Variants in PLS1 observed in about 807,000 individuals in gnomAD.
PLS1 encodes the protein plastin 1.
In PLS1, 32 loss-of-function variants were observed where a neutral mutation model predicts 73.7. The ratio of observed to expected loss-of-function variants is 0.43; its 90% CI spans 0.33 to 0.58. The LOEUF (loss-of-function observed/expected upper bound fraction) is 0.58. PLS1 is among the 20% of genes least tolerant of loss of function. The pLI is 0.04. For synonymous variants in PLS1, 217 were observed against 261.3 expected (o/e 0.83, Z 1.63); for missense variants, 633 against 740.5 (o/e 0.85, Z 1.68).
intron 1 of PLS1, among the ~76,000 whole-genome samples, chr3:142,616,441 C>T (rs2036217855): frequency 6.6e-6 from 1 of 152,030 alleles, no homozygotes; most frequent in Non-Finnish European, 1.5e-5. Flanking sequence ...ACTTATTTTA[C>T]TATATTATTG....
intron 4 of PLS1, chr3:142,673,811 GC>G (rs1223066197): frequency 1.3e-5 from 2 of 152,048 alleles, no homozygotes; most frequent in Non-Finnish European, 2.9e-5. Flanking sequence ...GCACTCCCCT[GC>G]TAGAACTTCC....
chr3:142,711,788 G>A, intron 15 of PLS1, 84 bp from the exon 16 acceptor site: 2 of 1,484,192 alleles, frequency 1.3e-6, no homozygotes, highest in Non-Finnish European at 9.3e-7. Flanking sequence ...AACTAATCTT[G>A]TCAAAATATT....
chr3:142,704,934 A>G (rs1369276561), intron 14 of PLS1, among the ~76,000 whole-genome samples: 5 of 151,478 alleles, frequency 3.3e-5, no homozygotes, highest in Admixed American at 6.6e-5. Context: ...TTGGGATTAC[A>G]GGCATGAGCT....
At chr3:142,621,244 C>T (rs187453679) in intron 1 of PLS1, among the ~76,000 whole-genome samples, 208 of 152,196 alleles carry the variant, frequency 1.4e-3, no homozygotes, top group South Asian at 9.3e-3. Context: ...TTTTAACTGT[C>T]TACTGTGACA....
At chr3:142,631,554 G>T (rs1010459641) in intron 1 of PLS1, among the ~76,000 whole-genome samples, 1 of 150,614 alleles carries the variant, frequency 6.6e-6, no homozygotes, top group Non-Finnish European at 1.5e-5. Flanking sequence ...CCAGCTACTC[G>T]GGAGACTGAG....
chr3:142,688,769 G>T (rs1377617770), intron 9 of PLS1, among the ~76,000 whole-genome samples: 1 of 152,130 alleles, frequency 6.6e-6, no homozygotes, highest in Non-Finnish European at 1.5e-5. Context: ...ATGTCATTGT[G>T]TGAATATACA....
intron 9 of PLS1, among the ~76,000 whole-genome samples, chr3:142,688,425 A>G (rs1458253455): frequency 6.6e-6 from 1 of 152,100 alleles, no homozygotes; most frequent in Non-Finnish European, 1.5e-5. Flanking sequence ...CCATTTTTAA[A>G]TTTATTTTTG....
chr3:142,688,864 C>G (rs1045110870), intron 9 of PLS1, among the ~76,000 whole-genome samples: 1 of 152,028 alleles, frequency 6.6e-6, no homozygotes, highest in African/African-American at 2.4e-5. Flanking sequence ...AGGTGCTTTT[C>G]CCTATGATTT....
chr3:142,650,211 C>CTTTTTTTT (rs1171297517), intron 1 of PLS1, among the ~76,000 whole-genome samples: 116 of 70,894 alleles, frequency 1.6e-3, no homozygotes, highest in Non-Finnish European at 1.8e-3. Context: ...GCTTCTTCTT[C>CTTTTTTTT]TTTTTTTTTT....
At chr3:142,677,054 ATCTT>A (rs1183748564) in intron 5 of PLS1, among the ~76,000 whole-genome samples, 4 of 152,126 alleles carry the variant, frequency 2.6e-5, no homozygotes, top group Admixed American at 6.5e-5. Context: ...TACAATTCTT[ATCTT>A]TCTTTGACTC....
In PLS1 at chr3:142,633,360, G is replaced by A. The variant is rs146743135; in HGVS notation, c.-36-30842G>A. Among the ~76,000 whole-genome samples the A allele has an allele frequency of 1.6e-3, 246 of 152,336 alleles. 1 individual carries two copies. Among genetic ancestry groups the A allele is most frequent in the African/African-American group, 4.7e-3 (195 of 41,582 alleles). On this transcript the variant is annotated intron_variant, in intron 1 of 15. Coordinates refer to ENST00000457734, the MANE Select transcript of PLS1 (RefSeq NM_001145319.2). ...TGTATACTTAAAAATGGTTAAGAAG[G>A]CTGGGAGCAGTAGTTCACACCTGTA...
intron 1 of PLS1, among the ~76,000 whole-genome samples, chr3:142,621,124 C>T: frequency 6.6e-6 from 1 of 152,104 alleles, no homozygotes; most frequent in East Asian, 1.9e-4. Context: ...TTACTGAGAT[C>T]AAATTAAAAA....
chr3:142,598,214 A>G (rs1162424283), intron 1 of PLS1, among the ~76,000 whole-genome samples: 8 of 151,880 alleles, frequency 5.3e-5, no homozygotes, highest in East Asian at 1.9e-4. Flanking sequence ...GCACCTCCCA[A>G]CTTCCCGACC....
chr3:142,638,220 G>A (rs73000172), intron 1 of PLS1, among the ~76,000 whole-genome samples: 7,106 of 152,218 alleles, frequency 0.047, 255 homozygotes, highest in African/African-American at 0.1. Context: ...TCCTGACAAC[G>A]CTATGAGATA....
At position 142,684,413 on chromosome 3, in the gene PLS1, C is replaced by A; in HGVS notation, c.888+18C>A. On this transcript the variant is annotated intron_variant, in intron 8 of 15. Transcript: ENST00000457734. The stretch of plus-strand genomic sequence containing the variant: ...ACATTAAGGTTTATATTTAAATGTT[C>A]AAATTTGTGACATGAAATAAGGATG... 1 of 1,598,804 alleles carries A rather than the reference C, an allele frequency of 6.3e-7. No individual in the cohort carries two copies. Among genetic ancestry groups the A allele is most frequent in the South Asian group, 1.1e-5 (1 of 90,066 alleles).
At chr3:142,603,225 C>T (rs751356555) in intron 1 of PLS1, among the ~76,000 whole-genome samples, 6 of 152,208 alleles carry the variant, frequency 3.9e-5, no homozygotes, top group South Asian at 2.1e-4. Flanking sequence ...GCCTATGTGC[C>T]GTTTTTGGTG....
At chr3:142,655,007 C>A (rs1174804443) in intron 1 of PLS1, 1 of 152,022 alleles carries the variant, frequency 6.6e-6, no homozygotes, top group Non-Finnish European at 1.5e-5. Context: ...CCCACATATA[C>A]AACACAAGGC....
intron 1 of PLS1, among the ~76,000 whole-genome samples, chr3:142,632,492 A>G (rs1422276131): frequency 6.6e-6 from 1 of 152,198 alleles, no homozygotes; most frequent in Non-Finnish European, 1.5e-5. Context: ...TAGTGCAGCC[A>G]TTATAGAAAG....
chr3:142,696,740 A>ATAATAATAG (rs146128179), intron 11 of PLS1, among the ~76,000 whole-genome samples: 1 of 148,544 alleles, frequency 6.7e-6, no homozygotes, highest in Non-Finnish European at 1.5e-5. Context: ...AATAATAATA[A>ATAATAATAG]TAATAATAAT....
Sources: allele counts gnomAD v4.1 joint callset (sites outside exome capture counted in the v4.1 genomes callset), GRCh38; gene constraint gnomAD v4.1.1; transcripts MANE v1.5; gene names NCBI Gene and HGNC (gene_info 2026-07-23, HGNC 2026-07-21).